ZNF782: variants seen among roughly 807,000 people sequenced by gnomAD.
ZNF782 encodes zinc finger protein 782.
Under a neutral mutation model 13.0 loss-of-function variants are expected in ZNF782, and 12 were observed. The observed-to-expected ratio is 0.92, with a 90% CI of 0.59 to 1.50. ZNF782 has a LOEUF of 1.50. Among genes scored for constraint, ZNF782 ranks in the 40% most tolerant of loss-of-function variants. ZNF782 has a pLI of 0.00. For synonymous variants in ZNF782, 284 were observed against 283.0 expected (o/e 1.00, Z -0.04); for missense variants, 770 against 822.9 (o/e 0.94, Z 0.79).
upstream of ZNF782, among the ~76,000 whole-genome samples, chr9:96,858,381 CA>C (rs1851668862): frequency 6.6e-6 from 1 of 152,174 alleles, no homozygotes; most frequent in Non-Finnish European, 1.5e-5. This position sits in a 1 kb window ranked among gnomAD's most constrained non-coding sequence, Gnocchi z 4.4. Flanking sequence ...CTCATACAAC[CA>C]CAACAGCACT....
chr9:96,837,227 G>C (rs1378871665), intron 4 of ZNF782, among the ~76,000 whole-genome samples: 1 of 152,154 alleles, frequency 6.6e-6, no homozygotes, highest in Non-Finnish European at 1.5e-5. Context: ...AATGGTACTA[G>C]ACACTACTTA....
chr9:96,819,820 C>T, intron 5 of ZNF782, 42 bp from the exon 6 acceptor site: 1 of 1,472,324 alleles, frequency 6.8e-7, no homozygotes, highest in African/African-American at 1.4e-5. Context: ...ATATTTAACA[C>T]ATTTCTTATG....
At chr9:96,893,525 C>A in the ZNF782 span, 2 of 152,172 alleles carry the variant, frequency 1.3e-5, no homozygotes, top group Admixed American at 6.5e-5. Flanking sequence ...CATCCCATTA[C>A]TGGGTATATA....
intron 4 of ZNF782, among the ~76,000 whole-genome samples, chr9:96,842,126 G>A (rs1247076080): frequency 6.6e-6 from 1 of 151,882 alleles, no homozygotes; most frequent in Non-Finnish European, 1.5e-5. Flanking sequence ...AAATACTGAG[G>A]TATAAATATA....
chr9:96,827,029 G>T, intron 5 of ZNF782, 51 bp downstream of exon 5: 1 of 1,195,634 alleles, frequency 8.4e-7, no homozygotes, highest in Non-Finnish European at 1.2e-6. Flanking sequence ...AGTTGTGTGA[G>T]TACTCCTAGT....
chr9:96,891,041 C>T, the ZNF782 span: 1 of 152,148 alleles, frequency 6.6e-6, no homozygotes, highest in Non-Finnish European at 1.5e-5. Flanking sequence ...AGGATAAATA[C>T]TGTATTCCAC....
At chr9:96,879,131 C>T (rs1010676910), upstream of ZNF782, among the ~76,000 whole-genome samples, 1 of 151,488 alleles carries the variant, frequency 6.6e-6, no homozygotes, top group Non-Finnish European at 1.5e-5. Flanking sequence ...TAGATGCTGG[C>T]ATAATAACAA....
At chr9:96,883,149 C>A in the ZNF782 span, among the ~76,000 whole-genome samples, 1 of 152,020 alleles carries the variant, frequency 6.6e-6, no homozygotes, top group Non-Finnish European at 1.5e-5. Context: ...CAAAACTAAA[C>A]ACGAAACACC....
the ZNF782 span, chr9:96,893,940 C>T: frequency 7.4e-6 from 1 of 136,054 alleles, no homozygotes; most frequent in Non-Finnish European, 1.5e-5. Context: ...GCGGAGCTTG[C>T]AGTGAGCGGA....
At chr9:96,859,324 T>A (rs1328481462), upstream of ZNF782, among the ~76,000 whole-genome samples, 1 of 152,016 alleles carries the variant, frequency 6.6e-6, no homozygotes, top group African/African-American at 2.4e-5. Flanking sequence ...TGCCCACCCC[T>A]CCTCCAACCC....
chr9:96,892,436 C>T, the ZNF782 span: 1 of 152,220 alleles, frequency 6.6e-6, no homozygotes, highest in Admixed American at 6.5e-5. Flanking sequence ...AGTTCACATC[C>T]TCATGAAGGT....
intron 4 of ZNF782, 32 bp downstream of exon 4, chr9:96,844,858 C>A: frequency 6.2e-7 from 1 of 1,613,672 alleles, no homozygotes; most frequent in South Asian, 1.1e-5. Context: ...GAACTGCACT[C>A]TGGAGGGAAC....
the ZNF782 span, among the ~76,000 whole-genome samples, chr9:96,885,795 TCCTTCCTTCCTTCCTTCC>T: frequency 6.6e-6 from 1 of 152,056 alleles, no homozygotes; most frequent in East Asian, 1.9e-4. Flanking sequence ...AACTTATTTT[TCCTTCCTTCCTTCCTTCC>T]CCTTCCTTCC....
At chr9:96,876,943 C>CAAAA (rs398011569), upstream of ZNF782, among the ~76,000 whole-genome samples, 491 of 42,810 alleles carry the variant, frequency 0.011, no homozygotes, top group East Asian at 0.027. Context: ...AACTCCGACT[C>CAAAA]AAAAAAAAAA....
At chr9:96,844,266 T>C (rs939762445) in intron 4 of ZNF782, among the ~76,000 whole-genome samples, 1 of 152,126 alleles carries the variant, frequency 6.6e-6, no homozygotes, top group African/African-American at 2.4e-5. Flanking sequence ...AATGAAAACA[T>C]ATGTTGACAC....
At chr9:96,922,573 C>T in the ZNF782 span, among the ~76,000 whole-genome samples, 13 of 152,402 alleles carry the variant, frequency 8.5e-5, no homozygotes, top group African/African-American at 3.1e-4. Context: ...GAGATCGAGA[C>T]CATCCTGGAT....
chr9:96,843,636 G>A (rs1001915255), intron 4 of ZNF782, among the ~76,000 whole-genome samples: 2 of 152,102 alleles, frequency 1.3e-5, no homozygotes, highest in Non-Finnish European at 2.9e-5. Context: ...GTGATAAAAT[G>A]GCACAGAGCT....
chr9:96,862,891 C>T (rs897957490), intron 1 of ZNF782, among the ~76,000 whole-genome samples: 2 of 152,254 alleles, frequency 1.3e-5, no homozygotes, highest in Admixed American at 6.5e-5. Context: ...ACTAATCTGG[C>T]GGCGGTGGGT....
chr9:96,818,673 G>A lies in ZNF782; in HGVS notation c.1350C>T (p.Phe450=), dbSNP rs766203575. ...HQRTHTGEKP[F]ECHECGKSFN... is the part of the protein sequence containing the mutation. ...AAGATTTCCCACATTCATGACATTC[G>A]AATGGTTTCTCCCCTGTGTGGGTTC... Residue 450 remains phenylalanine (F), a synonymous_variant, in exon 6 of 6, where the codon TTC becomes TTT. Coordinates refer to ENST00000481138, the MANE Select transcript of ZNF782 (RefSeq NM_001001662.3). 8.7e-6 allele frequency: 14 copies of A among 1,612,976 alleles called. No homozygotes were observed. In the Admixed American group the frequency reaches 2.0e-4, roughly 23 times the overall value.
Sources: gnomAD v4.1 joint callset for allele counts (sites outside exome capture counted in the v4.1 genomes callset) on GRCh38, gnomAD v4.1.1 for gene constraint, Gnocchi (gnomAD v3.1) non-coding constraint, MANE v1.5 for transcripts, NCBI Gene and HGNC (gene_info 2026-07-23, HGNC 2026-07-21) for gene names.